The following PHKB variants were observed in gnomAD, a reference collection of about 807,000 sequenced individuals.
The protein encoded by PHKB is phosphorylase kinase regulatory subunit beta.
In PHKB, 122 loss-of-function variants were observed where a neutral mutation model predicts 152.1. The ratio of observed to expected loss-of-function variants is 0.80; its 90% CI spans 0.69 to 0.93. The LOEUF (loss-of-function observed/expected upper bound fraction) is 0.93, where lower values mean the gene tolerates loss of function less well. Ranked by LOEUF, PHKB falls within the 40% of genes least tolerant of loss-of-function variation. PHKB has a pLI of 0.00. For missense variants in PHKB, 1,304 were observed against 1,328.4 expected (o/e 0.98, Z 0.29); for synonymous variants, 436 against 464.9 (o/e 0.94, Z 0.80).
chr16:47,462,738 T>A (rs1969594180), intron 1 of PHKB: 1 of 151,776 alleles, frequency 6.6e-6, no homozygotes, highest in Non-Finnish European at 1.5e-5. Flanking sequence ...TGACTTTTTT[T>A]TTTTTTTTTT....
At position 47,546,049 on chromosome 16, in the gene PHKB, C is replaced by T. The variant is rs186221867; in HGVS notation, c.595-1384C>T. Among the ~76,000 whole-genome samples, 16 of 152,308 alleles carry T rather than the reference C, an allele frequency of 1.1e-4. No homozygotes were observed. The East Asian group carries it at 2.3e-3, about 22-fold the overall frequency. ...AATGGGTTCTAACATCCTCCGTTAG[C>T]TCGGATAATTTTGTTATTACCAACT... On this transcript the variant is annotated intron_variant, in intron 6 of 30. Transcript: ENST00000323584.
intron 14 of PHKB, among the ~76,000 whole-genome samples, chr16:47,626,459 A>T (rs769731175): frequency 1.3e-5 from 2 of 152,174 alleles, no homozygotes; most frequent in Non-Finnish European, 2.9e-5. Flanking sequence ...CTTCCCCTCC[A>T]AGGCCTCTCT....
At chr16:47,501,326 A>T (rs1970321197) in intron 3 of PHKB, among the ~76,000 whole-genome samples, 1 of 152,232 alleles carries the variant, frequency 6.6e-6, no homozygotes, top group Non-Finnish European at 1.5e-5. Flanking sequence ...GGAAATAAGT[A>T]TGAGGATGGC....
At chr16:47,511,928 A>G (rs1970517534) in intron 5 of PHKB, among the ~76,000 whole-genome samples, 156 bp downstream of exon 5, 1 of 152,200 alleles carries the variant, frequency 6.6e-6, no homozygotes, top group South Asian at 2.1e-4. Flanking sequence ...GTTCCATCTC[A>G]TATCATCAGG....
At chr16:47,695,885 C>T (rs541707747) in intron 28 of PHKB, among the ~76,000 whole-genome samples, 30 of 152,288 alleles carry the variant, frequency 2.0e-4, no homozygotes, top group African/African-American at 7.0e-4. Flanking sequence ...CTTTTAGCGT[C>T]GCTTTTTTCC....
chr16:47,467,999 C>T (rs935816010), intron 1 of PHKB, among the ~76,000 whole-genome samples: 8 of 152,208 alleles, frequency 5.3e-5, no homozygotes, highest in Admixed American at 4.6e-4. Flanking sequence ...TTATCCCAAT[C>T]ATGTTCTTCC....
chr16:47,565,314 C>T, intron 7 of PHKB: 15 of 767,946 alleles, frequency 2.0e-5, no homozygotes, highest in South Asian at 1.9e-4. Context: ...TCTTTGGGGA[C>T]ATTCATCCCA....
At chr16:47,654,409 C>T (rs1973295492) in intron 20 of PHKB, among the ~76,000 whole-genome samples, 1 of 151,988 alleles carries the variant, frequency 6.6e-6, no homozygotes, top group Admixed American at 6.5e-5. Flanking sequence ...CCTCAAGGAT[C>T]TAGAACTGGA....
chr16:47,658,234 T>C (rs1314303797), intron 20 of PHKB, among the ~76,000 whole-genome samples: 6 of 152,186 alleles, frequency 3.9e-5, no homozygotes, highest in African/African-American at 1.4e-4. Context: ...CCTTTGCACT[T>C]GCCACTCCCA....
At position 47,693,437 on chromosome 16, in the gene PHKB, A is replaced by G. The variant is rs1405785504; in HGVS notation, c.2825A>G (p.Tyr942Cys). Residue 942 changes from tyrosine (Y) to cysteine (C), a missense_variant, in exon 28 of 31, where the codon TAT (tyrosine) becomes TGT (cysteine). Tyr to Cys is a radical substitution (Grantham distance 194). Transcript: ENST00000323584. ...GSLNRTPTGF[Y>C]DRVWQILERT... is the part of the protein sequence containing the mutation. ...TTGAATAGAACTCCCACCGGGTTCT[A>G]TGACCGAGTGTGGCAGATTCTGGAG... The G allele has an allele frequency of 1.2e-6, 2 of 1,614,086 alleles. No individual in the cohort carries two copies. Among genetic ancestry groups the G allele is most frequent in the Non-Finnish European group, 1.7e-6 (2 of 1,179,990 alleles).
chr16:47,566,488 T>A, intron 7 of PHKB: 2 of 1,607,882 alleles, frequency 1.2e-6, no homozygotes, highest in Non-Finnish European at 1.7e-6. Flanking sequence ...CCAAAACCTT[T>A]CAACTTCTCT....
At chr16:47,670,469 G>C (rs1448681039) in intron 26 of PHKB, among the ~76,000 whole-genome samples, 1 of 151,868 alleles carries the variant, frequency 6.6e-6, no homozygotes, top group Non-Finnish European at 1.5e-5. Context: ...ATTTTTATTT[G>C]TATCAGTTTT....
At chr16:47,472,557 C>T (rs763811676) in intron 1 of PHKB, among the ~76,000 whole-genome samples, 3 of 151,914 alleles carry the variant, frequency 2.0e-5, no homozygotes, top group African/African-American at 2.4e-5. Flanking sequence ...CCGAGACGGG[C>T]GGATCACGAG....
At chr16:47,518,787 A>G (rs1970639024) in intron 6 of PHKB, among the ~76,000 whole-genome samples, 1 of 152,180 alleles carries the variant, frequency 6.6e-6, no homozygotes, top group South Asian at 2.1e-4. Flanking sequence ...CTAAATATAA[A>G]TTTACCTAAG....
In PHKB at chr16:47,699,230, A is replaced by G; in HGVS notation, c.3146A>G (p.Asp1049Gly). 6.2e-7 allele frequency: 1 copy of G among 1,614,090 alleles called. No individual in the cohort carries two copies. Reference protein sequence around the residue: ...QSRLKEIEKQDDMTSFYNTPP... With the variant: ...QSRLKEIEKQGDMTSFYNTPP... ...CTTGCCTACTGTTTTCCTTTGTAGG[A>G]TGACATGACTTCCTTTTACAACACT... The change falls in exon 31 of 31, where the codon GAT becomes GGT. Residue 1049 changes from aspartate (D) to glycine (G), a missense_variant and splice_region_variant. Coordinates refer to ENST00000323584, the MANE Select transcript of PHKB (RefSeq NM_000293.3).
At chr16:47,578,650 G>T (rs1053878869) in intron 7 of PHKB, among the ~76,000 whole-genome samples, 1 of 152,172 alleles carries the variant, frequency 6.6e-6, no homozygotes, top group Non-Finnish European at 1.5e-5. Flanking sequence ...AGGAGAAAAG[G>T]TGTGACCTCT....
chr16:47,648,698 T>C, intron 17 of PHKB, 82 bp downstream of exon 17: 5 of 856,554 alleles, frequency 5.8e-6, no homozygotes, highest in South Asian at 1.3e-5. Flanking sequence ...CTATGCATCC[T>C]TTTTCATTTT....
At chr16:47,676,063 A>C (rs975594186) in intron 26 of PHKB, 1 of 152,234 alleles carries the variant, frequency 6.6e-6, no homozygotes, top group Admixed American at 6.5e-5. Flanking sequence ...GTTTATTAGC[A>C]GCAGCAAATA....
At position 47,514,287 on chromosome 16, in the gene PHKB, T is replaced by C. The variant is rs183941752; in HGVS notation, c.514-1234T>C. Among the ~76,000 whole-genome samples, 638 of 152,232 alleles carry C rather than the reference T, an allele frequency of 4.2e-3. 6 individuals carry two copies. The highest frequency in any genetic ancestry group is 0.015 in the African/African-American group (608 of 41,556). On this transcript the variant is annotated intron_variant, in intron 5 of 30. Transcript: ENST00000323584. ...CAATTATGGAGGCTGAGAAGTCCCA[T>C]GAGAGGCCATCTGCAAGCTGCAAAA...
Sources: allele counts gnomAD v4.1 joint callset (sites outside exome capture counted in the v4.1 genomes callset), GRCh38; gene constraint gnomAD v4.1.1; transcripts MANE v1.5; gene names NCBI Gene and HGNC (gene_info 2026-07-23, HGNC 2026-07-21).